The following MARCHF8 variants were observed in gnomAD, a reference collection of about 807,000 sequenced individuals.
MARCHF8 encodes E3 ubiquitin-protein ligase MARCHF8.
Under a neutral mutation model 51.6 loss-of-function variants are expected in MARCHF8, and 40 were observed. That is an observed-to-expected ratio of 0.77 (90% CI 0.60 to 1.01). The LOEUF (loss-of-function observed/expected upper bound fraction) is 1.01, where lower values mean the gene tolerates loss of function less well. Among genes scored for constraint, MARCHF8 ranks in the 50% least tolerant of loss-of-function variants. The probability of loss-of-function intolerance (pLI) is 0.00; values close to 1 mark genes in which losing one functional copy is unlikely to be tolerated. For missense variants in MARCHF8, 685 were observed against 708.6 expected (o/e 0.97, Z 0.38); for synonymous variants, 263 against 280.3 (o/e 0.94, Z 0.62).
chr10:45,520,673 T>C (rs1215271491), intron 2 of MARCHF8, among the ~76,000 whole-genome samples: 2 of 152,202 alleles, frequency 1.3e-5, no homozygotes, highest in African/African-American at 4.8e-5. Flanking sequence ...ACAAGTTCCA[T>C]TCTACCACAC....
intron 1 of MARCHF8, among the ~76,000 whole-genome samples, chr10:45,554,712 G>A (rs983050553): frequency 1.3e-5 from 2 of 152,132 alleles, no homozygotes; most frequent in Non-Finnish European, 2.9e-5. Flanking sequence ...CGGAGGTCGG[G>A]AATTCGAGAC....
intron 3 of MARCHF8, among the ~76,000 whole-genome samples, chr10:45,480,060 G>C (rs1416966650): frequency 6.6e-6 from 1 of 152,170 alleles, no homozygotes; most frequent in African/African-American, 2.4e-5. Context: ...GAAACTTGTT[G>C]CAAACTGGAG....
chr10:45,466,441 C>T (rs1340917061), intron 3 of MARCHF8, among the ~76,000 whole-genome samples: 2 of 152,176 alleles, frequency 1.3e-5, no homozygotes, highest in East Asian at 3.9e-4. Flanking sequence ...CCCAGGTAGA[C>T]TTTGAGGAAG....
intron 2 of MARCHF8, among the ~76,000 whole-genome samples, chr10:45,493,900 C>G (rs1021867656): frequency 6.6e-6 from 1 of 152,186 alleles, no homozygotes; most frequent in African/African-American, 2.4e-5. Flanking sequence ...ATCCTCCCAC[C>G]TCAACCTCCC....
intron 2 of MARCHF8, among the ~76,000 whole-genome samples, chr10:45,514,136 AAGAAACAGTTTTGTT>A (rs1468997293): frequency 2.6e-5 from 4 of 152,250 alleles, no homozygotes; most frequent in Non-Finnish European, 5.9e-5. Context: ...TCGCAATTTC[AAGAAACAGTTTTGTT>A]AGAAACAAAG....
intron 1 of MARCHF8, among the ~76,000 whole-genome samples, chr10:45,585,660 A>G (rs960493366): frequency 6.6e-6 from 1 of 152,228 alleles, no homozygotes; most frequent in Admixed American, 6.5e-5. Context: ...AAGGGCATCA[A>G]AAGTAATGTA....
chr10:45,458,349 TTAG>T lies in MARCHF8; in HGVS notation c.1609_1611del (p.Leu537del). ...TGTTTATTTTCAAAGTTGGGCTCTG[TTAG>T]TGGAGATTTTTCAAAAATATTCTTT... is the stretch of plus-strand genomic sequence containing the variant. On this transcript the variant is annotated inframe_deletion, in exon 8 of 8. Transcript: ENST00000453424. 1 of 1,614,180 alleles carries T rather than the reference TTAG, an allele frequency of 6.2e-7. No individual in the cohort carries two copies. Among genetic ancestry groups the T allele is most frequent in the Non-Finnish European group, 8.5e-7 (1 of 1,180,032 alleles).
At chr10:45,544,411 C>T (rs1164198327) in intron 1 of MARCHF8, among the ~76,000 whole-genome samples, 2 of 152,154 alleles carry the variant, frequency 1.3e-5, no homozygotes, top group African/African-American at 4.8e-5. Context: ...CACACAAAGA[C>T]ACATACATGA....
intron 5 of MARCHF8, 137 bp from the exon 6 acceptor site, chr10:45,461,548 A>G (rs1325095379): frequency 1.7e-6 from 1 of 593,120 alleles, no homozygotes; most frequent in East Asian, 3.5e-5. Context: ...AAAAACATAC[A>G]AACACAAACG....
chr10:45,519,519 T>C (rs2043672784), intron 2 of MARCHF8, among the ~76,000 whole-genome samples: 1 of 152,224 alleles, frequency 6.6e-6, no homozygotes, highest in South Asian at 2.1e-4. Flanking sequence ...ATATTCTCTA[T>C]TACACCTACT....
At chr10:45,577,222 G>C (rs1202209832) in intron 1 of MARCHF8, among the ~76,000 whole-genome samples, 1 of 151,970 alleles carries the variant, frequency 6.6e-6, no homozygotes, top group African/African-American at 2.4e-5. Flanking sequence ...CTGGAGGCTG[G>C]GAAGTTAATG....
At chr10:45,525,655 T>C (rs1403363574) in intron 2 of MARCHF8, among the ~76,000 whole-genome samples, 2 of 152,190 alleles carry the variant, frequency 1.3e-5, no homozygotes, top group African/African-American at 4.8e-5. Flanking sequence ...AGAGACCTGA[T>C]AGTCACTATA....
intron 3 of MARCHF8, among the ~76,000 whole-genome samples, chr10:45,467,590 T>C (rs994484820): frequency 2.6e-5 from 4 of 152,154 alleles, no homozygotes; most frequent in African/African-American, 9.7e-5. Context: ...CAGCTTCAAA[T>C]AATGGTTCCA....
At chr10:45,523,922 A>C (rs1030911429) in intron 2 of MARCHF8, among the ~76,000 whole-genome samples, 6 of 152,198 alleles carry the variant, frequency 3.9e-5, no homozygotes, top group African/African-American at 1.4e-4. Context: ...CTAAATAAAT[A>C]AACAGCAAAC....
exon 1 of MARCHF8, chr10:45,594,603 A>AG (rs1222484329): frequency 6.2e-5 from 7 of 112,824 alleles, no homozygotes; most frequent in Middle Eastern, 3.9e-3. Context: ...GGCCGCCCCC[A>AG]CCCAGCCCAG....
intron 2 of MARCHF8, among the ~76,000 whole-genome samples, chr10:45,522,393 T>C (rs934722700): frequency 6.6e-6 from 1 of 152,132 alleles, no homozygotes; most frequent in Admixed American, 6.5e-5. Flanking sequence ...CTCCTCCAAG[T>C]TCAGTAAGAA....
At position 45,461,242 on chromosome 10, in the gene MARCHF8, G is replaced by T; in HGVS notation, c.1258C>A (p.Pro420Thr). ...YEFIMETKLK[P>T]LRKWEKLQMT... ...TTCCTCCCACGTACTTTTCTCAGTG[G>T]CTTCAGCTTGGTCTCCATGATGAAC... The change falls in exon 6 of 8, where the codon CCA becomes ACA. Residue 420 changes from proline to threonine, a missense_variant. Transcript: ENST00000453424. The T allele has an allele frequency of 1.3e-6, 2 of 1,526,600 alleles. No homozygotes were observed. The highest frequency in any genetic ancestry group is 2.5e-5 in the South Asian group (2 of 80,614). The allele number at this position is 1,526,600 out of a possible 1,614,324, so 94.6% of individuals were successfully genotyped here.
intron 1 of MARCHF8, among the ~76,000 whole-genome samples, chr10:45,543,148 C>T (rs1003516957): frequency 1.3e-5 from 2 of 152,184 alleles, no homozygotes; most frequent in African/African-American, 4.8e-5. Flanking sequence ...TACTCTCTTC[C>T]TAGTCTTAAA....
At chr10:45,548,299 GAAGTA>G (rs1466261800) in intron 1 of MARCHF8, among the ~76,000 whole-genome samples, 1 of 152,182 alleles carries the variant, frequency 6.6e-6, no homozygotes, top group Non-Finnish European at 1.5e-5. Context: ...AGAATCCCCA[GAAGTA>G]GAGTAACAGA....
Sources: gnomAD v4.1 joint callset for allele counts (sites outside exome capture counted in the v4.1 genomes callset) on GRCh38, gnomAD v4.1.1 for gene constraint, MANE v1.5 for transcripts, NCBI Gene and HGNC (gene_info 2026-07-23, HGNC 2026-07-21) for gene names.